JAZF1: variants seen among roughly 807,000 people sequenced by gnomAD.
JAZF1 encodes JAZF zinc finger 1, also known as juxtaposed with another zinc finger protein 1.
JAZF1 carries 8 observed loss-of-function variants against 26.4 expected under a neutral mutation model. The ratio of observed to expected loss-of-function variants is 0.30; its 90% CI spans 0.18 to 0.55. JAZF1 has a LOEUF of 0.55. Ranked by LOEUF, JAZF1 falls within the 20% of genes least tolerant of loss-of-function variation. The probability of loss-of-function intolerance (pLI) is 0.94; values close to 1 mark genes in which losing one functional copy is unlikely to be tolerated. For missense variants in JAZF1, 199 were observed against 322.0 expected, an observed-to-expected ratio of 0.62 and a Z score of 2.92; for synonymous variants, 126 against 122.3, an observed-to-expected ratio of 1.03 and a Z score of -0.20.
chr7:28,026,160 G>A (rs1247967674), intron 1 of JAZF1, among the ~76,000 whole-genome samples: 3 of 152,094 alleles, frequency 2.0e-5, no homozygotes, highest in Non-Finnish European at 2.9e-5. Flanking sequence ...TGGTTGCCCA[G>A]GCTCACACCC....
At chr7:28,136,531 T>G (rs1041542400) in intron 1 of JAZF1, among the ~76,000 whole-genome samples, 1 of 152,194 alleles carries the variant, frequency 6.6e-6, no homozygotes, top group Non-Finnish European at 1.5e-5. Flanking sequence ...TTGGTGGAAG[T>G]GGGTCTGTGC....
intron 1 of JAZF1, among the ~76,000 whole-genome samples, chr7:28,179,147 G>A (rs1001537491): frequency 1.3e-5 from 2 of 152,158 alleles, no homozygotes; most frequent in African/African-American, 4.8e-5. Context: ...GGACTTCCTG[G>A]GGGCAATTTA....
chr7:27,971,819 T>C (rs1785379672), intron 2 of JAZF1, among the ~76,000 whole-genome samples: 1 of 152,170 alleles, frequency 6.6e-6, no homozygotes, highest in Non-Finnish European at 1.5e-5. Context: ...ATTCGCCACT[T>C]TATGATTTAA....
intron 3 of JAZF1, among the ~76,000 whole-genome samples, chr7:27,872,564 T>A (rs1783602457): frequency 6.6e-6 from 1 of 152,156 alleles, no homozygotes; most frequent in Non-Finnish European, 1.5e-5. Context: ...TAACTCAACT[T>A]TGGCAAGTGT....
intron 1 of JAZF1, among the ~76,000 whole-genome samples, chr7:28,148,419 T>C (rs1045450456): frequency 2.6e-5 from 4 of 152,198 alleles, no homozygotes; most frequent in African/African-American, 7.2e-5. Context: ...AGAGGCCGCA[T>C]AGCAGAGCAA....
chr7:28,031,415 G>T (rs887844294), intron 1 of JAZF1, among the ~76,000 whole-genome samples: 1 of 152,250 alleles, frequency 6.6e-6, no homozygotes, highest in South Asian at 2.1e-4. Flanking sequence ...AAGTGTTTGT[G>T]GGAAGACGCT....
At chr7:27,907,835 G>T (rs1466637197) in intron 2 of JAZF1, among the ~76,000 whole-genome samples, 1 of 152,156 alleles carries the variant, frequency 6.6e-6, no homozygotes, top group East Asian at 1.9e-4. Flanking sequence ...ACGGCCACAC[G>T]AATCGATTAC....
Position 27,844,674 on chromosome 7 carries a change from A to C in JAZF1, c.386-3807T>G, listed in dbSNP as rs554297992. 11 of 152,322 alleles carry C rather than the reference A, an allele frequency of 7.2e-5. No homozygotes were observed. In the East Asian group the frequency reaches 1.3e-3, roughly 19 times the overall value. 9.4% of individuals were successfully genotyped at this position (152,322 alleles called of 1,614,324 possible). ...AAAGGGTAGGGATAAAATAAGAATA[A>C]ATATCTTAATACAGGAATAGTTTTA... On this transcript the variant is annotated intron_variant, in intron 3 of 4. Coordinates refer to ENST00000283928, the MANE Select transcript of JAZF1 (RefSeq NM_175061.4).
chr7:27,860,197 T>C (rs1185228396), intron 3 of JAZF1, among the ~76,000 whole-genome samples: 2 of 152,260 alleles, frequency 1.3e-5, no homozygotes, highest in African/African-American at 4.8e-5. Flanking sequence ...TTTGGGTCTT[T>C]ATTTAGAAGT....
intron 2 of JAZF1, among the ~76,000 whole-genome samples, chr7:27,937,221 C>A (rs1055070547): frequency 6.6e-6 from 1 of 152,148 alleles, no homozygotes; most frequent in Admixed American, 6.5e-5. Flanking sequence ...ACATTTACGC[C>A]TCAAGCAAGC....
chr7:28,037,976 G>A (rs964129598), intron 1 of JAZF1, among the ~76,000 whole-genome samples: 1 of 152,170 alleles, frequency 6.6e-6, no homozygotes, highest in African/African-American at 2.4e-5. Flanking sequence ...GAAATGGGCA[G>A]AGAGATTTTG....
intron 1 of JAZF1, among the ~76,000 whole-genome samples, chr7:28,136,012 C>T (rs532095499): frequency 6.6e-6 from 1 of 152,300 alleles, no homozygotes; most frequent in East Asian, 1.9e-4. Context: ...TTTTTCCATT[C>T]TCCATGTTTC....
rs192209515 is a variant in JAZF1 at position 27,924,147 on chromosome 7, C to T, written c.189-28731G>A. ...AGGCTGGAGTGCAGTGGCGCCATCT[C>T]GGCTCACTACAAACTCTGTCTCCCT... On this transcript the variant is annotated intron_variant, in intron 2 of 4. Coordinates refer to ENST00000283928, the MANE Select transcript of JAZF1 (RefSeq NM_175061.4). 9.9e-5 allele frequency among the ~76,000 whole-genome samples: 15 copies of T among 152,246 alleles called. No individual in the cohort carries two copies. In the South Asian group the frequency reaches 2.3e-3, roughly 23 times the overall value.
Position 27,859,917 on chromosome 7 carries a change from C to T in JAZF1, c.386-19050G>A, listed in dbSNP as rs77293197. Among the ~76,000 whole-genome samples the T allele has an allele frequency of 2.6e-4, 39 of 152,208 alleles. No individual in the cohort carries two copies. In the East Asian group the frequency reaches 4.6e-3, roughly 18 times the overall value. ...ATCAAATAAAAGTCTGTAAAGTCTACGATAATTGTACAAGTGCACGACAGT... is the reference window on the plus strand; with the variant it reads ...ATCAAATAAAAGTCTGTAAAGTCTATGATAATTGTACAAGTGCACGACAGT... On this transcript the variant is annotated intron_variant, in intron 3 of 4. Coordinates refer to ENST00000283928, the MANE Select transcript of JAZF1 (RefSeq NM_175061.4).
intron 1 of JAZF1, among the ~76,000 whole-genome samples, chr7:28,120,731 A>C (rs968380913): frequency 3.3e-5 from 5 of 151,876 alleles, no homozygotes; most frequent in Non-Finnish European, 7.4e-5. Context: ...GGCCTAACTA[A>C]GCTGGGAAGC....
intron 2 of JAZF1, among the ~76,000 whole-genome samples, chr7:27,940,324 C>G (rs1023513723): frequency 6.6e-6 from 1 of 152,128 alleles, no homozygotes; most frequent in Admixed American, 6.5e-5. Flanking sequence ...CGCCACCCCC[C>G]GTGATCAGCC....
intron 1 of JAZF1, among the ~76,000 whole-genome samples, chr7:28,080,260 T>C (rs1046965915): frequency 1.1e-4 from 17 of 152,104 alleles, no homozygotes; most frequent in South Asian, 4.1e-4. Context: ...CCAGCCTTCA[T>C]AGAATTGAAG....
At chr7:28,171,875 G>A (rs913288577) in intron 1 of JAZF1, among the ~76,000 whole-genome samples, 4 of 152,094 alleles carry the variant, frequency 2.6e-5, no homozygotes, top group African/African-American at 9.7e-5. Flanking sequence ...AATGATTCCC[G>A]AATTGGGAGC....
chr7:27,967,334 G>A (rs1785294779), intron 2 of JAZF1, among the ~76,000 whole-genome samples: 1 of 151,906 alleles, frequency 6.6e-6, no homozygotes, highest in South Asian at 2.1e-4. Flanking sequence ...AATAGCTAAG[G>A]GATCTGTGGG....
Sources: gnomAD v4.1 joint callset for allele counts (sites outside exome capture counted in the v4.1 genomes callset) on GRCh38, gnomAD v4.1.1 for gene constraint, MANE v1.5 for transcripts, NCBI Gene and HGNC (gene_info 2026-07-23, HGNC 2026-07-21) for gene names.